HS3ST4: variants seen among roughly 807,000 people sequenced by gnomAD.
HS3ST4 encodes the protein heparan sulfate-glucosamine 3-sulfotransferase 4.
A neutral mutation model predicts 29.2 loss-of-function variants in HS3ST4; 17 were observed. The observed-to-expected ratio is 0.58, with a 90% CI of 0.40 to 0.87. The LOEUF is 0.87. Among genes scored for constraint, HS3ST4 ranks in the 40% least tolerant of loss-of-function variants. HS3ST4 has a pLI of 0.00. For synonymous variants in HS3ST4, 314 were observed against 285.7 expected (o/e 1.10, Z -1.00); for missense variants, 627 against 634.5 (o/e 0.99, Z 0.13).
chr16:25,809,136 A>G (rs1427491458), intron 1 of HS3ST4, among the ~76,000 whole-genome samples: 3 of 152,090 alleles, frequency 2.0e-5, no homozygotes, highest in South Asian at 2.1e-4. Context: ...TATATTGAAT[A>G]AGAGTGGTGA....
At chr16:25,957,252 C>T (rs1208215520) in intron 1 of HS3ST4, among the ~76,000 whole-genome samples, 1 of 152,174 alleles carries the variant, frequency 6.6e-6, no homozygotes, top group African/African-American at 2.4e-5. Flanking sequence ...CCACATAGCA[C>T]AGCAGCAGCT....
intron 1 of HS3ST4, among the ~76,000 whole-genome samples, chr16:25,740,839 T>G (rs1432218432): frequency 6.6e-6 from 1 of 152,188 alleles, no homozygotes; most frequent in East Asian, 1.9e-4. Flanking sequence ...CTCACATTCC[T>G]AATTACTAAG....
chr16:25,940,709 C>T (rs1320889325), intron 1 of HS3ST4, among the ~76,000 whole-genome samples: 1 of 152,170 alleles, frequency 6.6e-6, no homozygotes, highest in Non-Finnish European at 1.5e-5. Context: ...CTCCAGTTCT[C>T]TTGGGAGGTT....
intron 1 of HS3ST4, among the ~76,000 whole-genome samples, chr16:26,049,720 C>T (rs886375673): frequency 4.1e-4 from 63 of 152,262 alleles, no homozygotes; most frequent in African/African-American, 1.4e-3. Flanking sequence ...AGGCTGGGCT[C>T]AAGCCCCAGG....
intron 1 of HS3ST4, among the ~76,000 whole-genome samples, chr16:25,846,524 A>T (rs1462779141): frequency 1.4e-5 from 2 of 146,528 alleles, no homozygotes; most frequent in Admixed American, 1.4e-4. Context: ...ACAATGTGAG[A>T]CCCCATCTCT....
At chr16:26,011,090 G>A (rs1188606916) in intron 1 of HS3ST4, among the ~76,000 whole-genome samples, 2 of 152,082 alleles carry the variant, frequency 1.3e-5, no homozygotes, top group African/African-American at 4.8e-5. Flanking sequence ...ATAGCAGCAC[G>A]TGCACTTACA....
intron 1 of HS3ST4, among the ~76,000 whole-genome samples, chr16:25,769,622 G>A (rs868799123): frequency 1.3e-5 from 2 of 152,198 alleles, no homozygotes; most frequent in African/African-American, 4.8e-5. Flanking sequence ...CCTTCCTACG[G>A]AAAGGATTTG....
At chr16:25,774,596 C>G (rs1966845827) in intron 1 of HS3ST4, among the ~76,000 whole-genome samples, 1 of 152,218 alleles carries the variant, frequency 6.6e-6, no homozygotes, top group East Asian at 1.9e-4. Context: ...ATTAATATGT[C>G]TATACTTCAC....
intron 1 of HS3ST4, among the ~76,000 whole-genome samples, chr16:25,751,414 C>A (rs1236757831): frequency 6.6e-6 from 1 of 152,236 alleles, no homozygotes; most frequent in East Asian, 1.9e-4. Context: ...CACTTAGTAT[C>A]CTTGTAATTT....
At chr16:25,746,870 A>AG (rs1305009241) in intron 1 of HS3ST4, among the ~76,000 whole-genome samples, 1 of 151,770 alleles carries the variant, frequency 6.6e-6, no homozygotes, top group Non-Finnish European at 1.5e-5. Flanking sequence ...TTTTATAGAG[A>AG]GGGGGTCTTG....
intron 1 of HS3ST4, among the ~76,000 whole-genome samples, chr16:25,912,480 C>G (rs1431579344): frequency 3.2e-5 from 4 of 123,998 alleles, no homozygotes; most frequent in African/African-American, 9.8e-5. Flanking sequence ...TCAGCAGGAG[C>G]ACTGTCCCTG....
chr16:26,007,957 A>G (rs530666583), intron 1 of HS3ST4, among the ~76,000 whole-genome samples: 1 of 151,724 alleles, frequency 6.6e-6, no homozygotes, highest in African/African-American at 2.4e-5. Flanking sequence ...ATGCAGCCAT[A>G]GATTCAGGCT....
chr16:26,065,978 A>G (rs1258082864), intron 1 of HS3ST4, among the ~76,000 whole-genome samples: 1 of 152,262 alleles, frequency 6.6e-6, no homozygotes, highest in Non-Finnish European at 1.5e-5. Context: ...GTATACGTTA[A>G]TAAGACACAT....
At chr16:26,076,119 A>G (rs1898661683) in intron 1 of HS3ST4, among the ~76,000 whole-genome samples, 1 of 152,208 alleles carries the variant, frequency 6.6e-6, no homozygotes. Flanking sequence ...ATCGGTGTCT[A>G]TGGCTTGAGC....
chr16:25,739,587 T>C (rs1567230613), intron 1 of HS3ST4, among the ~76,000 whole-genome samples: 1 of 152,208 alleles, frequency 6.6e-6, no homozygotes, highest in Non-Finnish European at 1.5e-5. Flanking sequence ...ATGCCACTCC[T>C]GTTTCATTTT....
At chr16:26,089,203 G>A (rs1280806070) in intron 1 of HS3ST4, among the ~76,000 whole-genome samples, 1 of 152,170 alleles carries the variant, frequency 6.6e-6, no homozygotes, top group African/African-American at 2.4e-5. Flanking sequence ...CACAAAGAAG[G>A]TGCACATAAG....
chr16:26,012,020 C>A lies in HS3ST4; in HGVS notation c.735-123592C>A, dbSNP rs149299188. Reference sequence around the variant, plus strand: ...ATAAAGTTGGGAAACAGAATAGATTCTACACCTGAATAATCGATTAATGCT... The same window carrying A: ...ATAAAGTTGGGAAACAGAATAGATTATACACCTGAATAATCGATTAATGCT... On this transcript the variant is annotated intron_variant, in intron 1 of 1. Transcript: ENST00000331351. 7.4e-3 allele frequency among the ~76,000 whole-genome samples: 1,126 copies of A among 152,302 alleles called. 10 individuals carry two copies. The highest frequency in any genetic ancestry group is 0.054 in the Middle Eastern group (16 of 294).
At chr16:26,016,250 G>T (rs1969361420) in intron 1 of HS3ST4, among the ~76,000 whole-genome samples, 1 of 152,184 alleles carries the variant, frequency 6.6e-6, no homozygotes, top group South Asian at 2.1e-4. Flanking sequence ...GCTTATAAAT[G>T]TGGTTGTCAC....
chr16:25,940,521 A>T lies in HS3ST4; in HGVS notation c.735-195091A>T, dbSNP rs550168952. On this transcript the variant is annotated intron_variant, in intron 1 of 1. Coordinates refer to ENST00000331351, the MANE Select transcript of HS3ST4 (RefSeq NM_006040.3). ...GCAGGGATTTGCAGAATGAACCAGA[A>T]TGTTGGAGTTCGTTCCAGCTATGCT... 3.3e-5 allele frequency among the ~76,000 whole-genome samples: 5 copies of T among 152,344 alleles called. No homozygotes were observed. The East Asian group carries it at 9.7e-4, about 29-fold the overall frequency.
Sources: gnomAD v4.1 joint callset for allele counts (sites outside exome capture counted in the v4.1 genomes callset) on GRCh38, gnomAD v4.1.1 for gene constraint, MANE v1.5 for transcripts, NCBI Gene and HGNC (gene_info 2026-07-23, HGNC 2026-07-21) for gene names.